Variants in KMT2C observed in about 807,000 individuals in gnomAD.
KMT2C encodes lysine methyltransferase 2C, also known as histone-lysine N-methyltransferase 2C.
Under a neutral mutation model 507.9 loss-of-function variants are expected in KMT2C, and 88 were observed. That is an observed-to-expected ratio of 0.17 (90% confidence interval 0.15 to 0.21). The LOEUF (loss-of-function observed/expected upper bound fraction) is 0.21, where lower values mean the gene tolerates loss of function less well. KMT2C is among the 10% of genes least tolerant of loss of function. KMT2C has a pLI of 1.00. For synonymous variants in KMT2C, 2,049 were observed against 2,080.8 expected (o/e 0.98, Z 0.42); for missense variants, 4,954 against 5,957.8 (o/e 0.83, Z 5.55).
At chr7:152,212,187 T>C (rs1346776678) in intron 23 of KMT2C, among the ~76,000 whole-genome samples, 1 of 152,246 alleles carries the variant, frequency 6.6e-6, no homozygotes, top group South Asian at 2.1e-4. Context: ...GACTAATCTC[T>C]GGAAAGCTAT....
At chr7:152,421,626 G>A (rs907221209) in intron 1 of KMT2C, among the ~76,000 whole-genome samples, 3 of 152,166 alleles carry the variant, frequency 2.0e-5, no homozygotes, top group South Asian at 2.1e-4. Context: ...ATTCGTAAGC[G>A]AATTAATTAA....
At chr7:152,137,925 G>C (rs1337084884) in intron 58 of KMT2C, 1 of 152,088 alleles carries the variant, frequency 6.6e-6, no homozygotes, top group Non-Finnish European at 1.5e-5. Context: ...CCTTATTCTT[G>C]ACTAAGAAAG....
rs773365034 is a variant in KMT2C, at chr7:152,182,039, T to C, written c.5821A>G (p.Thr1941Ala). ...ACAGGGGATGGCCTATTTGCTGTTG[T>C]CTCATTCATTTGAAGGGGCCTAGAT... is the stretch of plus-strand genomic sequence containing the variant. The part of the protein sequence containing the change: ...SVSRPLQMNE[T>A]TANRPSPVRD... The change falls in exon 36 of 59, where the codon ACA becomes GCA. Residue 1941 changes from threonine (T) to alanine (A), a missense_variant. Thr to Ala is a moderately conservative substitution (Grantham distance 58, BLOSUM62 0). Around this residue, in one of 29 missense-constraint regions of KMT2C, gnomAD observed 1,689 missense variants for 1,654.3 expected, o/e 1.02. Coordinates refer to ENST00000262189, the MANE Select transcript of KMT2C (RefSeq NM_170606.3). 1.3e-5 allele frequency: 21 copies of C among 1,614,166 alleles called. No homozygotes were observed. In the South Asian group the frequency reaches 1.9e-4, roughly 14 times the overall value.
chr7:152,146,457 C>G (rs956559988), intron 53 of KMT2C, 142 bp downstream of exon 53: 13 of 761,518 alleles, frequency 1.7e-5, no homozygotes, highest in Non-Finnish European at 2.3e-5. Context: ...ATCACCAATG[C>G]CTTATTCCTC....
chr7:152,242,309 A>C (rs192550598), intron 14 of KMT2C, among the ~76,000 whole-genome samples: 64 of 152,334 alleles, frequency 4.2e-4, no homozygotes, highest in African/African-American at 1.3e-3. Flanking sequence ...ATTCATCAAT[A>C]AACAATGAAC....
chr7:152,421,481 G>C (rs755711828), intron 1 of KMT2C, among the ~76,000 whole-genome samples: 1 of 152,034 alleles, frequency 6.6e-6, no homozygotes, highest in Non-Finnish European at 1.5e-5. Context: ...CAAAGACATG[G>C]AATCAACCTA....
chr7:152,218,852 T>C (rs2094669916), intron 23 of KMT2C, among the ~76,000 whole-genome samples: 1 of 152,196 alleles, frequency 6.6e-6, no homozygotes, highest in South Asian at 2.1e-4. Flanking sequence ...GCTTCCTCAC[T>C]GTCTGGGATG....
intron 4 of KMT2C, among the ~76,000 whole-genome samples, chr7:152,312,471 G>GT (rs1486498301): frequency 6.6e-6 from 1 of 152,190 alleles, no homozygotes; most frequent in Non-Finnish European, 1.5e-5. Context: ...GGAATGGAAT[G>GT]TATCAGCTGT....
At chr7:152,275,265 C>G (rs2096061259) in intron 6 of KMT2C, among the ~76,000 whole-genome samples, 1 of 152,178 alleles carries the variant, frequency 6.6e-6, no homozygotes, top group Non-Finnish European at 1.5e-5. Flanking sequence ...AAAAATTTGG[C>G]TGGGCCGGGT....
In KMT2C at chr7:152,162,994, T is replaced by A. The variant is rs2092537866; in HGVS notation, c.10583A>T (p.Asn3528Ile). 2 of 1,613,874 alleles carry A rather than the reference T, an allele frequency of 1.2e-6. No homozygotes were observed. The highest frequency in any genetic ancestry group is 2.2e-5 in the South Asian group (2 of 91,070). The change falls in exon 43 of 59, where the codon AAT (asparagine) becomes ATT (isoleucine). Residue 3528 changes from asparagine (N) to isoleucine (I), a missense_variant. Coordinates refer to ENST00000262189, the MANE Select transcript of KMT2C (RefSeq NM_170606.3). The stretch of plus-strand genomic sequence containing the variant: ...ATGTCCCTGCTTCACAGAAGAAAAA[T>A]TTGGGCTTCCAACAGGGATTGATGG... ...DSPSIPVGSP[N>I]FSSVKQGHGN...
rs566671025 is a variant in KMT2C at position 152,367,924 on chromosome 7, T to C, written c.162-9249A>G. The C allele has an allele frequency of 1.8e-5, 18 of 1,015,286 alleles. No homozygotes were observed. In the African/African-American group the frequency reaches 2.7e-4, roughly 15 times the overall value. The allele number at this position is 1,015,286 out of a possible 1,614,324, so 62.9% of individuals were successfully genotyped here. ...CATGAAAAAGTGATTATCATCCAACTTATTGCCAAAGCAGACACACTTATA... is the reference window on the plus strand; with the variant it reads ...CATGAAAAAGTGATTATCATCCAACCTATTGCCAAAGCAGACACACTTATA... On this transcript the variant is annotated intron_variant, in intron 1 of 58. Transcript: ENST00000262189.
At chr7:152,187,239 G>T (rs2129124452) in intron 33 of KMT2C, 23 bp downstream of exon 33, 1 of 1,569,304 alleles carries the variant, frequency 6.4e-7, no homozygotes, top group Non-Finnish European at 8.8e-7. Flanking sequence ...TGGTAAAACA[G>T]AAATAATATA....
At chr7:152,226,419 G>A (rs1588385998) in intron 18 of KMT2C, among the ~76,000 whole-genome samples, 2 of 151,932 alleles carry the variant, frequency 1.3e-5, no homozygotes, top group South Asian at 2.1e-4. Context: ...TTTTAGTAGA[G>A]ATGGGGTTTT....
chr7:152,394,883 T>C (rs372100433), intron 1 of KMT2C, among the ~76,000 whole-genome samples: 1 of 152,202 alleles, frequency 6.6e-6, no homozygotes, highest in Non-Finnish European at 1.5e-5. Flanking sequence ...AGGTCCGTGA[T>C]AATTTAATTG....
chr7:152,412,528 G>C (rs2097694526), intron 1 of KMT2C, among the ~76,000 whole-genome samples: 2 of 151,936 alleles, frequency 1.3e-5, no homozygotes, highest in African/African-American at 2.4e-5. Flanking sequence ...TATAATTATA[G>C]ACAATTATTC....
intron 53 of KMT2C, among the ~76,000 whole-genome samples, chr7:152,145,743 C>A (rs2129093680): frequency 6.6e-6 from 1 of 152,308 alleles, no homozygotes; most frequent in South Asian, 2.1e-4. Context: ...TGGTTTCTTT[C>A]TTGATCGTTT....
intron 23 of KMT2C, among the ~76,000 whole-genome samples, chr7:152,214,565 C>T (rs2094527944): frequency 6.6e-6 from 1 of 152,172 alleles, no homozygotes; most frequent in Admixed American, 6.5e-5. Flanking sequence ...CTCTTAACCA[C>T]AGTTTCTAAG....
At chr7:152,293,073 T>C (rs1563752556) in intron 6 of KMT2C, among the ~76,000 whole-genome samples, 1 of 152,074 alleles carries the variant, frequency 6.6e-6, no homozygotes, top group African/African-American at 2.4e-5. Flanking sequence ...TAGAAAGACT[T>C]AGTATAAAGC....
At position 152,330,178 on chromosome 7, in the gene KMT2C, GGAGAA is replaced by G. The variant is rs2096869546; in HGVS notation, c.389+418_389+422del. On this transcript the variant is annotated intron_variant, in intron 3 of 58. Coordinates refer to ENST00000262189, the MANE Select transcript of KMT2C (RefSeq NM_170606.3). ...AGGGGGGGAGGGGTGGTGGGGGGGGGGAGAAAAAGAAAGAAAAAAAATAGGTTATA... is the reference window on the plus strand; with the variant it reads ...AGGGGGGGAGGGGTGGTGGGGGGGGGAAAGAAAGAAAAAAAATAGGTTATA... Among the ~76,000 whole-genome samples, 4 of 127,726 alleles carry G rather than the reference GGAGAA, an allele frequency of 3.1e-5. 1 individual carries two copies. Among genetic ancestry groups the G allele is most frequent in the South Asian group, 6.4e-4 (2 of 3,128 alleles). 83.8% of individuals were successfully genotyped at this position (127,726 alleles called of 152,430 possible).
Sources: gnomAD v4.1 joint callset for allele counts (sites outside exome capture counted in the v4.1 genomes callset) on GRCh38, gnomAD v4.1.1 for gene constraint, gnomAD v4.1.1 regional missense constraint, MANE v1.5 for transcripts, NCBI Gene and HGNC (gene_info 2026-07-23, HGNC 2026-07-21) for gene names.